The following ERCC8 variants were observed in gnomAD, a reference collection of about 807,000 sequenced individuals.
The protein encoded by ERCC8 is DNA excision repair protein ERCC-8.
In ERCC8, 52 loss-of-function variants were observed where a neutral mutation model predicts 54.9. The ratio of observed to expected loss-of-function variants is 0.95; its 90% CI spans 0.76 to 1.19. ERCC8 has a LOEUF of 1.19. ERCC8 is among the 50% of genes most tolerant of loss of function. ERCC8 has a pLI of 0.00. For synonymous variants in ERCC8, 146 were observed against 157.2 expected, an observed-to-expected ratio of 0.93 and a Z score of 0.53; for missense variants, 514 against 466.1, an observed-to-expected ratio of 1.10 and a Z score of -0.95.
Position 60,866,762 on chromosome 5 carries a change from T to G in ERCC8, c.*7853A>C, listed in dbSNP as rs988915842. On this transcript the variant is annotated 3_prime_UTR_variant, in exon 12 of 12. Transcript: ENST00000676185. ...AGCCTCTAATTATTTATGCATACCA[T>G]TTTTAAATGCTTTAGAAAATATGAT... is the stretch of plus-strand genomic sequence containing the variant. 6.6e-6 allele frequency: 1 copy of G among 151,518 alleles called. No homozygotes were observed. The highest frequency in any genetic ancestry group is 2.5e-5 in the African/African-American group (1 of 40,776). The allele number at this position is 151,518 out of a possible 1,614,324, so 9.4% of individuals were successfully genotyped here.
At position 60,914,901 on chromosome 5, in the gene ERCC8, T is replaced by C. The variant is rs118063318; in HGVS notation, c.399+3364A>G. Among the ~76,000 whole-genome samples the C allele has an allele frequency of 6.0e-3, 916 of 152,126 alleles. 25 individuals are homozygous for C. The South Asian group carries it at 0.079, about 13-fold the overall frequency. ...CATTCTATTAACATGATGAATTACA[T>C]TAGTTGATTTATAGATGTTAAAACA... On this transcript the variant is annotated intron_variant, in intron 4 of 11. Transcript: ENST00000676185.
chr5:60,925,499 C>T lies in ERCC8; in HGVS notation c.174-3344G>A, dbSNP rs551073603. On this transcript the variant is annotated intron_variant, in intron 2 of 11. Transcript: ENST00000676185. The stretch of plus-strand genomic sequence containing the variant: ...AAACATATCTACAATTAGAGTATGC[C>T]ATCTTCTCCCAGTTTGAGCTGCTGT... 2.6e-5 allele frequency among the ~76,000 whole-genome samples: 4 copies of T among 152,260 alleles called. No homozygotes were observed. The East Asian group carries it at 7.7e-4, about 29-fold the overall frequency.
At chr5:60,905,420 C>T (rs532736450) in intron 4 of ERCC8, among the ~76,000 whole-genome samples, 3 of 152,318 alleles carry the variant, frequency 2.0e-5, no homozygotes, top group Non-Finnish European at 4.4e-5. Context: ...GCTTGGATTT[C>T]AAGGTCCAAT....
intron 4 of ERCC8, among the ~76,000 whole-genome samples, chr5:60,908,324 C>G (rs1250692004): frequency 6.6e-6 from 1 of 151,690 alleles, no homozygotes; most frequent in African/African-American, 2.4e-5. Context: ...ATTAGGGACA[C>G]TCAGTACATA....
At chr5:60,892,596 G>C in intron 9 of ERCC8, 1 of 672,980 alleles carries the variant, frequency 1.5e-6, no homozygotes. Flanking sequence ...GTGCTCAGTA[G>C]TCTGGTACCC....
rs761959654 is a variant in ERCC8 at position 60,898,382 on chromosome 5, C to G, written c.737G>C (p.Gly246Ala). Residue 246 changes from glycine (G) to alanine (A), a missense_variant, in exon 9 of 12, where the codon GGG (glycine) becomes GCG (alanine). Gly to Ala is a moderately conservative substitution (Grantham distance 60). Transcript: ENST00000676185. ...TGTAAAACATAAGCCATTAACTTTC[C>G]CATTATGAGCAGTGTTTGCTGCAAT... ...AVESANTAHN[G>A]KVNGLCFTSD... 2.5e-6 allele frequency: 4 copies of G among 1,613,422 alleles called. No homozygotes were observed. Among genetic ancestry groups the G allele is most frequent in the Non-Finnish European group, 3.4e-6 (4 of 1,179,580 alleles).
Position 60,902,425 on chromosome 5 carries a change from A to G in ERCC8, c.617+17T>C. The G allele has an allele frequency of 6.3e-7, 1 of 1,592,680 alleles. No individual in the cohort carries two copies. Among genetic ancestry groups the G allele is most frequent in the Non-Finnish European group, 8.6e-7 (1 of 1,161,146 alleles). On this transcript the variant is annotated intron_variant, in intron 7 of 11. Coordinates refer to ENST00000676185, the MANE Select transcript of ERCC8 (RefSeq NM_000082.4). ...TTATTAATTACTAACTTCAAAAGCA[A>G]ATAAGTTAAATTTTACCTTGCTGTT...
At chr5:60,931,204 T>G (rs182620233) in intron 1 of ERCC8, among the ~76,000 whole-genome samples, 34 of 152,262 alleles carry the variant, frequency 2.2e-4, no homozygotes, top group Non-Finnish European at 4.9e-4. Context: ...GTGATTATTA[T>G]TAAATGCATC....
At chr5:60,907,866 G>T (rs1749125086) in intron 4 of ERCC8, among the ~76,000 whole-genome samples, 1 of 151,948 alleles carries the variant, frequency 6.6e-6, no homozygotes, top group African/African-American at 2.4e-5. Flanking sequence ...TCAACTAATT[G>T]CAATCTTATT....
intron 4 of ERCC8, among the ~76,000 whole-genome samples, chr5:60,917,288 G>A (rs1377644905): frequency 6.6e-6 from 1 of 151,572 alleles, no homozygotes; most frequent in Non-Finnish European, 1.5e-5. Context: ...AAAGGGACTT[G>A]AGGTAGGGAA....
At chr5:60,908,945 C>A (rs75295262) in intron 4 of ERCC8, among the ~76,000 whole-genome samples, 1 of 151,868 alleles carries the variant, frequency 6.6e-6, no homozygotes, top group Non-Finnish European at 1.5e-5. Context: ...AACAGAAAGG[C>A]GTATCTATAT....
rs565886211 is a variant in ERCC8, at chr5:60,941,284, T to A, written c.77+3648A>T. ...AATTTTAGTTTTCAATATAAAATTATTTTAACTTAATGTATTCACTAACAG... is the reference window on the plus strand; with the variant it reads ...AATTTTAGTTTTCAATATAAAATTAATTTAACTTAATGTATTCACTAACAG... On this transcript the variant is annotated intron_variant, in intron 1 of 11. Coordinates refer to ENST00000676185, the MANE Select transcript of ERCC8 (RefSeq NM_000082.4). 5.0e-3 allele frequency among the ~76,000 whole-genome samples: 768 copies of A among 152,328 alleles called. 7 individuals carry two copies. Among genetic ancestry groups the A allele is most frequent in the South Asian group, 0.021 (100 of 4,828 alleles).
intron 2 of ERCC8, among the ~76,000 whole-genome samples, chr5:60,924,015 G>A (rs1749679401): frequency 6.6e-6 from 1 of 152,132 alleles, no homozygotes; most frequent in East Asian, 1.9e-4. Flanking sequence ...AAATTTTAAT[G>A]TCTTTTAACT....
At chr5:60,892,193 C>T (rs1012766743) in intron 9 of ERCC8, 29 of 525,960 alleles carry the variant, frequency 5.5e-5, no homozygotes, top group African/African-American at 2.1e-4. Context: ...CATCTGATGA[C>T]GATTCGGATT....
intron 11 of ERCC8, among the ~76,000 whole-genome samples, chr5:60,886,538 C>T (rs1748397715): frequency 6.6e-6 from 1 of 151,766 alleles, no homozygotes; most frequent in African/African-American, 2.4e-5. Flanking sequence ...CACGTCTCTA[C>T]TAAAAATACA....
chr5:60,920,216 T>C (rs976631), intron 3 of ERCC8, among the ~76,000 whole-genome samples: 58,803 of 151,726 alleles, frequency 0.39, 12,377 homozygotes, highest in East Asian at 0.8. Flanking sequence ...GATTCTCCCA[T>C]CTTCCTGACA....
At chr5:60,897,125 T>C (rs1309090281) in intron 9 of ERCC8, among the ~76,000 whole-genome samples, 1 of 152,178 alleles carries the variant, frequency 6.6e-6, no homozygotes, top group Non-Finnish European at 1.5e-5. Context: ...TTGTACCTTT[T>C]TTCTTTCCCT....
At chr5:60,904,726 C>A in intron 5 of ERCC8, 66 bp downstream of exon 5, 1 of 728,966 alleles carries the variant, frequency 1.4e-6, no homozygotes, top group Non-Finnish European at 2.3e-6. Flanking sequence ...TACATCAAAA[C>A]TAACTACATA....
intron 9 of ERCC8, among the ~76,000 whole-genome samples, chr5:60,896,824 A>G (rs542659281): frequency 6.6e-6 from 1 of 152,344 alleles, no homozygotes; most frequent in East Asian, 1.9e-4. Context: ...ATAGAACCAC[A>G]TGAACAATTT....
Sources: gnomAD v4.1 joint callset for allele counts (sites outside exome capture counted in the v4.1 genomes callset) on GRCh38, gnomAD v4.1.1 for gene constraint, MANE v1.5 for transcripts, NCBI Gene and HGNC (gene_info 2026-07-23, HGNC 2026-07-21) for gene names.